The following FMN1 variants were observed in gnomAD, a reference collection of about 807,000 sequenced individuals.
FMN1 encodes the protein formin 1.
FMN1 carries 110 observed loss-of-function variants against 132.4 expected under a neutral mutation model. The ratio of observed to expected loss-of-function variants is 0.83; its 90% CI spans 0.71 to 0.97. The LOEUF (loss-of-function observed/expected upper bound fraction) is 0.97. Ranked by LOEUF, FMN1 falls within the 50% of genes least tolerant of loss-of-function variation. The pLI, the probability that FMN1 is intolerant of heterozygous loss-of-function variation, is 0.00. For missense variants in FMN1, 1,792 were observed against 1,705.3 expected, an observed-to-expected ratio of 1.05 and a Z score of -0.90; for synonymous variants, 722 against 651.7, an observed-to-expected ratio of 1.11 and a Z score of -1.64.
intron 4 of FMN1, among the ~76,000 whole-genome samples, chr15:33,112,703 G>A (rs931615178): frequency 1.3e-5 from 2 of 152,102 alleles, no homozygotes; most frequent in Non-Finnish European, 1.5e-5. Context: ...TGTTGAGTAC[G>A]TGATAACAGT....
intron 9 of FMN1, among the ~76,000 whole-genome samples, chr15:32,926,658 T>C (rs17228971): frequency 0.26 from 39,955 of 152,186 alleles, 5,635 homozygotes; most frequent in Non-Finnish European, 0.32. Flanking sequence ...ATCTTTTTAG[T>C]AATGTCATCT....
chr15:32,837,877 C>T (rs2058663435), intron 17 of FMN1, among the ~76,000 whole-genome samples: 1 of 152,166 alleles, frequency 6.6e-6, no homozygotes, highest in Admixed American at 6.5e-5. Flanking sequence ...CCTTGCCCAT[C>T]AACAGATGCC....
chr15:32,926,077 T>C, intron 10 of FMN1, 97 bp downstream of exon 10: 2 of 707,778 alleles, frequency 2.8e-6, no homozygotes, highest in African/African-American at 1.8e-5. Flanking sequence ...TAGGATTCAT[T>C]AGGGCATTCT....
intron 17 of FMN1, among the ~76,000 whole-genome samples, chr15:32,836,778 T>C (rs1443071722): frequency 6.6e-6 from 1 of 152,158 alleles, no homozygotes; most frequent in East Asian, 1.9e-4. Flanking sequence ...TAACATAGTT[T>C]CCAAAGCTGA....
At chr15:33,069,041 A>G (rs1006504099) in intron 5 of FMN1, among the ~76,000 whole-genome samples, 2 of 152,204 alleles carry the variant, frequency 1.3e-5, no homozygotes, top group African/African-American at 2.4e-5. Flanking sequence ...CTATTAGACA[A>G]AACAATTTGA....
At chr15:32,911,470 G>A (rs987685775) in intron 10 of FMN1, among the ~76,000 whole-genome samples, 9 of 152,134 alleles carry the variant, frequency 5.9e-5, no homozygotes, top group Middle Eastern at 3.4e-3. Context: ...AATTTTGCTC[G>A]TCAACTATTT....
chr15:33,098,558 A>T (rs1297109798), intron 4 of FMN1, among the ~76,000 whole-genome samples: 2 of 152,226 alleles, frequency 1.3e-5, no homozygotes, highest in East Asian at 3.8e-4. Flanking sequence ...CCCTACAGTG[A>T]TGTTCAAATC....
At chr15:32,988,312 T>C (rs956939969) in intron 7 of FMN1, among the ~76,000 whole-genome samples, 4 of 152,158 alleles carry the variant, frequency 2.6e-5, no homozygotes, top group African/African-American at 9.6e-5. Flanking sequence ...TTTTACAACC[T>C]TTTAATCTTA....
chr15:32,798,694 C>A, intron 19 of FMN1, 110 bp downstream of exon 19: 2 of 1,036,932 alleles, frequency 1.9e-6, no homozygotes, highest in Middle Eastern at 3.0e-4. Flanking sequence ...ATGACCACTT[C>A]ATCCGAAAGA....
Position 32,798,960 on chromosome 15 carries a change from C to A in FMN1, c.3981-7G>T. On this transcript the variant is annotated splice_region_variant and splice_polypyrimidine_tract_variant and intron_variant, in intron 18 of 20. Transcript: ENST00000616417. ...TCGTACTGTTGTTTCAAAACTGCAACAGGTAGGGGGGAAAATGGAATGAGG... is the reference window on the plus strand; with the variant it reads ...TCGTACTGTTGTTTCAAAACTGCAAAAGGTAGGGGGGAAAATGGAATGAGG... The A allele has an allele frequency of 6.2e-7, 1 of 1,611,814 alleles. No homozygotes were observed. Among genetic ancestry groups the A allele is most frequent in the Non-Finnish European group, 8.5e-7 (1 of 1,179,170 alleles).
intron 7 of FMN1, chr15:32,970,677 G>A (rs894103484): frequency 2.0e-5 from 3 of 152,054 alleles, no homozygotes; most frequent in African/African-American, 2.4e-5. Context: ...AGCCTTGGAG[G>A]GAAAGGTATA....
At chr15:32,867,045 G>A (rs2059408007) in intron 16 of FMN1, among the ~76,000 whole-genome samples, 1 of 152,112 alleles carries the variant, frequency 6.6e-6, no homozygotes, top group Admixed American at 6.5e-5. Context: ...ACCATATCTG[G>A]GATGTGTCTC....
At chr15:32,978,404 C>T (rs1204982050) in intron 7 of FMN1, among the ~76,000 whole-genome samples, 1 of 151,938 alleles carries the variant, frequency 6.6e-6, no homozygotes, top group South Asian at 2.1e-4. Flanking sequence ...TATTAATATC[C>T]AAAATATAAG....
intron 4 of FMN1, chr15:33,150,286 G>T: frequency 2.0e-6 from 2 of 985,440 alleles, no homozygotes; most frequent in Non-Finnish European, 2.4e-6. Context: ...AGTTCCTCAA[G>T]GTTTGGGGGA....
In FMN1 at chr15:32,870,166, AG is replaced by A. The variant is rs370878077; in HGVS notation, c.3836-13060del. Among the ~76,000 whole-genome samples, 900 of 152,272 alleles carry A rather than the reference AG, an allele frequency of 5.9e-3. 9 individuals carry two copies. Among genetic ancestry groups the A allele is most frequent in the African/African-American group, 0.02 (850 of 41,546 alleles). ...TTTGATAGTTTCCTTTCATGGTAGT[AG>A]GACTCCTTAGAAAGATTCTTCCTTT... On this transcript the variant is annotated intron_variant, in intron 16 of 20. Transcript: ENST00000616417.
At chr15:33,161,788 A>G (rs930819864) in intron 3 of FMN1, among the ~76,000 whole-genome samples, 4 of 151,928 alleles carry the variant, frequency 2.6e-5, no homozygotes, top group South Asian at 2.1e-4. Flanking sequence ...TGTGGTGGCG[A>G]GCACCTGTAG....
At chr15:33,155,115 C>A (rs1964619855) in intron 3 of FMN1, 70 bp from the exon 4 acceptor site, 1 of 540,960 alleles carries the variant, frequency 1.8e-6, no homozygotes, top group Non-Finnish European at 3.3e-6. Context: ...AACATAAAAT[C>A]AAAGCATAAC....
At chr15:33,037,807 CACTT>C (rs368133468) in intron 6 of FMN1, among the ~76,000 whole-genome samples, 13 of 152,354 alleles carry the variant, frequency 8.5e-5, no homozygotes, top group South Asian at 4.1e-4. Flanking sequence ...TTTGCTTAAA[CACTT>C]ACTAAGATTT....
At chr15:33,003,070 TAGTA>T (rs2034206859) in intron 7 of FMN1, among the ~76,000 whole-genome samples, 1 of 152,194 alleles carries the variant, frequency 6.6e-6, no homozygotes, top group African/African-American at 2.4e-5. Flanking sequence ...TATCTCAAAA[TAGTA>T]AGAGCTATCT....
Sources: allele counts gnomAD v4.1 joint callset (sites outside exome capture counted in the v4.1 genomes callset), GRCh38; gene constraint gnomAD v4.1.1; transcripts MANE v1.5; gene names NCBI Gene and HGNC (gene_info 2026-07-23, HGNC 2026-07-21).